The following C1orf146 variants were observed in gnomAD, a reference collection of about 807,000 sequenced individuals.
C1orf146 encodes the protein protein SPO16 homolog.
Under a neutral mutation model 23.0 loss-of-function variants are expected in C1orf146, and 22 were observed. That is an observed-to-expected ratio of 0.96 (90% CI 0.68 to 1.36). The LOEUF is 1.36. Ranked by LOEUF, C1orf146 falls within the 40% of genes most tolerant of loss-of-function variation. The probability of loss-of-function intolerance (pLI) is 0.00; values close to 1 mark genes in which losing one functional copy is unlikely to be tolerated. For synonymous variants in C1orf146, 59 were observed against 65.3 expected (o/e 0.90, Z 0.47); for missense variants, 199 against 206.8 (o/e 0.96, Z 0.23).
chr1:92,218,777 T>G (rs1293764497), intron 1 of C1orf146, among the ~76,000 whole-genome samples: 2 of 152,052 alleles, frequency 1.3e-5, no homozygotes, highest in East Asian at 3.9e-4. Flanking sequence ...GTTTAGAAGC[T>G]TTTTGTTTTC....
At chr1:92,232,542 C>T (rs1365277046) in intron 2 of C1orf146, among the ~76,000 whole-genome samples, 2 of 152,076 alleles carry the variant, frequency 1.3e-5, no homozygotes, top group Non-Finnish European at 2.9e-5. Flanking sequence ...CAAGTCTTTG[C>T]TATTGTGAAT....
chr1:92,242,612 T>C (rs934707478), intron 3 of C1orf146, among the ~76,000 whole-genome samples: 1 of 152,208 alleles, frequency 6.6e-6, no homozygotes, highest in African/African-American at 2.4e-5. Context: ...AAAGTATTAC[T>C]TGCATTAACA....
rs6604086 is a variant in C1orf146 at position 92,236,538 on chromosome 1, A to G, written c.66+5052A>G. ...CCGACCTTTCTCTCTGGCTGCCCTT[A>G]ACATTTTTTCCTTTATTTCAACTTT... On this transcript the variant is annotated intron_variant, in intron 2 of 5. Transcript: ENST00000370375. Among the ~76,000 whole-genome samples, 1,184 of 152,138 alleles carry G rather than the reference A, an allele frequency of 7.8e-3. 6 individuals carry two copies. Among genetic ancestry groups the G allele is most frequent in the African/African-American group, 0.027 (1,135 of 41,502 alleles).
rs1652543894 is a variant in C1orf146, at chr1:92,244,844, G to A, written c.395G>A (p.Cys132Tyr). The change falls in exon 5 of 6, where the codon TGC (cysteine) becomes TAC (tyrosine). Residue 132 changes from cysteine (C) to tyrosine (Y), a missense_variant. Coordinates refer to ENST00000370375, the MANE Select transcript of C1orf146 (RefSeq NM_001012425.2). Reference protein sequence around the residue: ...HNTVNAINLMCTIAKTTSKPY... With the variant: ...HNTVNAINLMYTIAKTTSKPY... ...ACAGTAAATGCTATTAATCTTATGT[G>A]CACTATAGCAAAGGTGAGTCACCCG... The A allele has an allele frequency of 6.3e-7, 1 of 1,599,256 alleles. No homozygotes were observed. The highest frequency in any genetic ancestry group is 1.1e-5 in the South Asian group (1 of 89,892).
intron 2 of C1orf146, chr1:92,240,764 T>G (rs1437581517): frequency 4.3e-6 from 1 of 234,590 alleles, no homozygotes; most frequent in Admixed American, 5.5e-5. Context: ...GCTGAAGTGA[T>G]TCTCTCACCT....
At position 92,245,545 on chromosome 1, in the gene C1orf146, C is replaced by T; in HGVS notation, c.414C>T (p.Thr138=). 1 of 1,592,090 alleles carries T rather than the reference C, an allele frequency of 6.3e-7. No homozygotes were observed. Among genetic ancestry groups the T allele is most frequent in the South Asian group, 1.2e-5 (1 of 86,626 alleles). Reference sequence around the variant, plus strand: ...ATCTTTATATCTTCTTCCAGACTACCTCCAAACCATACATAGATAGCATTT... The same window carrying T: ...ATCTTTATATCTTCTTCCAGACTACTTCCAAACCATACATAGATAGCATTT... ...INLMCTIAKT[T]SKPYIDSICY... is the part of the protein sequence containing the mutation. Residue 138 remains threonine (T), a synonymous_variant, in exon 6 of 6, where the codon ACC becomes ACT. Coordinates refer to ENST00000370375, the MANE Select transcript of C1orf146 (RefSeq NM_001012425.2).
In C1orf146 at chr1:92,244,812, A is replaced by G; in HGVS notation, c.363A>G (p.Val121=). 1.9e-6 allele frequency: 3 copies of G among 1,609,672 alleles called. No homozygotes were observed. Among genetic ancestry groups the G allele is most frequent in the Non-Finnish European group, 2.5e-6 (3 of 1,176,510 alleles). ...GTTGTAACTTACGAATACTTCCAGT[A>G]CACAACACAGTAAATGCTATTAATC... ...FLGCNLRILP[V]HNTVNAINLM... is the part of the protein sequence containing the mutation. The change falls in exon 5 of 6, where the codon GTA becomes GTG. Residue 121 remains valine (V), a synonymous_variant. Coordinates refer to ENST00000370375, the MANE Select transcript of C1orf146 (RefSeq NM_001012425.2).
chr1:92,231,918 G>A (rs940722303), intron 2 of C1orf146, among the ~76,000 whole-genome samples: 15 of 152,096 alleles, frequency 9.9e-5, no homozygotes, highest in African/African-American at 3.4e-4. Context: ...GAGAGCAGGT[G>A]GTCAGCTCAC....
At chr1:92,222,832 C>T (rs1651868726) in intron 1 of C1orf146, among the ~76,000 whole-genome samples, 1 of 152,006 alleles carries the variant, frequency 6.6e-6, no homozygotes, top group Non-Finnish European at 1.5e-5. Context: ...GTGATCCGCC[C>T]ACCTCGGCCT....
intron 2 of C1orf146, among the ~76,000 whole-genome samples, chr1:92,236,532 G>C (rs1426753768): frequency 6.6e-6 from 1 of 152,106 alleles, no homozygotes; most frequent in Non-Finnish European, 1.5e-5. Context: ...CTCTCTGGCT[G>C]CCCTTAACAT....
intron 2 of C1orf146, 102 bp from the exon 3 acceptor site, chr1:92,242,110 T>G (rs975222673): frequency 3.7e-6 from 2 of 538,366 alleles, no homozygotes; most frequent in African/African-American, 1.9e-5. Flanking sequence ...TATCTTTAAG[T>G]GGTAGTTATA....
chr1:92,242,209 A>G lies in C1orf146; in HGVS notation c.67-3A>G. 1 of 1,544,080 alleles carries G rather than the reference A, an allele frequency of 6.5e-7. No homozygotes were observed. The highest frequency in any genetic ancestry group is 8.8e-7 in the Non-Finnish European group (1 of 1,132,818). Reference sequence around the variant, plus strand: ...TTTGTATTTCTGATATTTTTTAAAAAAGAGTTATGAAGTTGCAACTGCCCT... The same window carrying G: ...TTTGTATTTCTGATATTTTTTAAAAGAGAGTTATGAAGTTGCAACTGCCCT... On this transcript the variant is annotated splice_region_variant and splice_polypyrimidine_tract_variant and intron_variant, in intron 2 of 5. Transcript: ENST00000370375.
intron 1 of C1orf146, among the ~76,000 whole-genome samples, chr1:92,224,957 G>T (rs1460387401): frequency 6.6e-6 from 1 of 151,926 alleles, no homozygotes; most frequent in African/African-American, 2.4e-5. Context: ...TGGCTAGGTT[G>T]GTCTCCATCT....
Position 92,245,697 on chromosome 1 carries a change from C to T in C1orf146, c.*23C>T, listed in dbSNP as rs191094143. 1.2e-5 allele frequency: 17 copies of T among 1,459,524 alleles called. No homozygotes were observed. The Admixed American group carries it at 1.2e-4, about 11-fold the overall frequency. The allele number at this position is 1,459,524 out of a possible 1,614,324, so 90.4% of individuals were successfully genotyped here. ...TAGAGTACCAACTTAATGTTTTTCT[C>T]GAAGAATGTGAAAATAATTAGACCT... On this transcript the variant is annotated 3_prime_UTR_variant, in exon 6 of 6. Transcript: ENST00000370375.
chr1:92,218,711 C>T (rs895328497), intron 1 of C1orf146, among the ~76,000 whole-genome samples: 1 of 152,084 alleles, frequency 6.6e-6, no homozygotes, highest in African/African-American at 2.4e-5. Context: ...TCCCCCGGTC[C>T]CGTCCCCCGC....
chr1:92,234,225 G>T (rs934084904), intron 2 of C1orf146, among the ~76,000 whole-genome samples: 1 of 151,274 alleles, frequency 6.6e-6, no homozygotes, highest in Admixed American at 6.6e-5. Context: ...TTTGCCCATT[G>T]AGTATGATAT....
At chr1:92,239,437 A>G (rs1279874486) in intron 2 of C1orf146, among the ~76,000 whole-genome samples, 4 of 152,198 alleles carry the variant, frequency 2.6e-5, no homozygotes, top group Non-Finnish European at 5.9e-5. Flanking sequence ...GGGTTGCCAG[A>G]TAAAATACAG....
intron 1 of C1orf146, among the ~76,000 whole-genome samples, chr1:92,224,012 TTTTATTTATTTA>T (rs146799961): frequency 0.023 from 3,034 of 133,344 alleles, 47 homozygotes; most frequent in African/African-American, 0.045. Context: ...TGTTGTTTTA[TTTTATTTATTTA>T]TTTATTTATT....
chr1:92,237,126 C>T (rs993615589), intron 2 of C1orf146, among the ~76,000 whole-genome samples: 1 of 152,204 alleles, frequency 6.6e-6, no homozygotes, highest in Non-Finnish European at 1.5e-5. Flanking sequence ...ATTCTCTGTC[C>T]AGCTTTGTTC....
Sources: gnomAD v4.1 joint callset for allele counts (sites outside exome capture counted in the v4.1 genomes callset) on GRCh38, gnomAD v4.1.1 for gene constraint, MANE v1.5 for transcripts, NCBI Gene and HGNC (gene_info 2026-07-23, HGNC 2026-07-21) for gene names.